Variants in MED27 observed in about 807,000 individuals in gnomAD.
The protein encoded by MED27 is mediator of RNA polymerase II transcription subunit 27.
MED27 carries 30 observed loss-of-function variants against 38.2 expected under a neutral mutation model. That is an observed-to-expected ratio of 0.79 (90% CI 0.59 to 1.07). The LOEUF (loss-of-function observed/expected upper bound fraction) is 1.07. Among genes scored for constraint, MED27 ranks in the 50% least tolerant of loss-of-function variants. The pLI is 0.00. For synonymous variants in MED27, 122 were observed against 153.5 expected (o/e 0.79, Z 1.52); for missense variants, 289 against 397.5 (o/e 0.73, Z 2.32).
In MED27 at chr9:131,965,756, A is replaced by G. The variant is rs73658162; in HGVS notation, c.480-26282T>C. ...GGCATCACCTCACTTTTTCTTGAAC[A>G]AAAAATAAAGGATTCCACTTAACAG... On this transcript the variant is annotated intron_variant, in intron 3 of 7. Transcript: ENST00000292035. Among the ~76,000 whole-genome samples the G allele has an allele frequency of 6.5e-3, 987 of 152,266 alleles. 9 individuals are homozygous for G. Among genetic ancestry groups the G allele is most frequent in the African/African-American group, 0.022 (916 of 41,556 alleles).
intron 3 of MED27, among the ~76,000 whole-genome samples, chr9:132,009,196 C>G (rs979478386): frequency 6.6e-6 from 1 of 152,178 alleles, no homozygotes; most frequent in African/African-American, 2.4e-5. Context: ...TAGAACCAAG[C>G]ATTTGTAGGC....
At chr9:131,879,414 A>T (rs1219830408) in intron 6 of MED27, among the ~76,000 whole-genome samples, 1 of 152,128 alleles carries the variant, frequency 6.6e-6, no homozygotes, top group East Asian at 1.9e-4. Context: ...TAACACAGTG[A>T]CTGCAACCAC....
rs151338486 is a variant in MED27, at chr9:131,961,280, C to T, written c.480-21806G>A. 3.2e-4 allele frequency among the ~76,000 whole-genome samples: 49 copies of T among 152,340 alleles called. No homozygotes were observed. The East Asian group carries it at 7.7e-3, about 24-fold the overall frequency. ...AGCAGGCAAGAAGGCAACACAATGGCTGCTTGTTTCAGAGACAGAAGCTTG... is the reference window on the plus strand; with the variant it reads ...AGCAGGCAAGAAGGCAACACAATGGTTGCTTGTTTCAGAGACAGAAGCTTG... On this transcript the variant is annotated intron_variant, in intron 3 of 7. Coordinates refer to ENST00000292035, the MANE Select transcript of MED27 (RefSeq NM_004269.4).
intron 1 of MED27, among the ~76,000 whole-genome samples, chr9:132,079,214 A>T (rs570534255): frequency 2.0e-5 from 3 of 152,034 alleles, no homozygotes; most frequent in Admixed American, 2.0e-4. Context: ...GGGCCGGGGA[A>T]TTGGGGCTAA....
At chr9:132,041,961 G>C (rs945354054) in intron 2 of MED27, among the ~76,000 whole-genome samples, 2 of 152,196 alleles carry the variant, frequency 1.3e-5, no homozygotes, top group African/African-American at 2.4e-5. Flanking sequence ...TGGATCTTGA[G>C]TTAAATTGTT....
At chr9:131,988,763 C>T (rs1239496177) in intron 3 of MED27, among the ~76,000 whole-genome samples, 1 of 152,114 alleles carries the variant, frequency 6.6e-6, no homozygotes, top group East Asian at 1.9e-4. Flanking sequence ...CAGGCATGCA[C>T]CACTGTGCCC....
chr9:131,881,808 T>C (rs1839050986), intron 6 of MED27, among the ~76,000 whole-genome samples: 1 of 133,876 alleles, frequency 7.5e-6, no homozygotes, highest in South Asian at 2.5e-4. Context: ...TTCTTTTTTT[T>C]TTTTTTTTTT....
intron 3 of MED27, among the ~76,000 whole-genome samples, chr9:131,994,227 C>G (rs1191112286): frequency 6.6e-6 from 1 of 152,100 alleles, no homozygotes; most frequent in African/African-American, 2.4e-5. Context: ...GTCGCAATTC[C>G]CAGGAACCTA....
chr9:132,041,627 C>T (rs11243605), intron 2 of MED27, among the ~76,000 whole-genome samples: 4 of 152,190 alleles, frequency 2.6e-5, no homozygotes, highest in African/African-American at 7.2e-5. Context: ...CAAAGCTCGA[C>T]TGAAAGATGG....
chr9:132,009,433 T>C (rs1832434416), intron 3 of MED27, among the ~76,000 whole-genome samples: 1 of 152,146 alleles, frequency 6.6e-6, no homozygotes, highest in Non-Finnish European at 1.5e-5. Context: ...TCTTCTGAGA[T>C]TAGGTCATAA....
At chr9:132,038,998 C>T (rs9328536) in intron 2 of MED27, among the ~76,000 whole-genome samples, 82,842 of 152,050 alleles carry the variant, frequency 0.54, 25,398 homozygotes, top group Non-Finnish European at 0.67. Context: ...ACGACAAGAA[C>T]ATGGAGGTCA....
intron 4 of MED27, among the ~76,000 whole-genome samples, chr9:131,898,033 A>G (rs1352743792): frequency 1.3e-5 from 2 of 151,662 alleles, no homozygotes; most frequent in Admixed American, 6.6e-5. Context: ...TCCCAGTGGT[A>G]TACTTTAACA....
At chr9:132,037,070 G>A (rs776722808) in intron 2 of MED27, among the ~76,000 whole-genome samples, 14 of 152,192 alleles carry the variant, frequency 9.2e-5, no homozygotes, top group Non-Finnish European at 2.1e-4. Context: ...GTGGGTGGAA[G>A]ACGAAATGTT....
chr9:132,033,080 A>G (rs1356039751), intron 2 of MED27, among the ~76,000 whole-genome samples: 1 of 152,184 alleles, frequency 6.6e-6, no homozygotes, highest in African/African-American at 2.4e-5. Context: ...AGCCCCATAC[A>G]TGCTGTTTGT....
intron 2 of MED27, among the ~76,000 whole-genome samples, chr9:132,067,272 G>T (rs1833829413): frequency 6.6e-6 from 1 of 152,186 alleles, no homozygotes; most frequent in African/African-American, 2.4e-5. Flanking sequence ...CAGGTAACTG[G>T]CCCAAAGTCT....
chr9:131,886,278 G>T (rs1225156999), intron 5 of MED27, among the ~76,000 whole-genome samples: 1 of 152,180 alleles, frequency 6.6e-6, no homozygotes, highest in Non-Finnish European at 1.5e-5. Flanking sequence ...AGTAGAGAAG[G>T]TTAAGATGAT....
chr9:131,901,022 A>C (rs545434684), intron 4 of MED27, among the ~76,000 whole-genome samples: 1 of 131,682 alleles, frequency 7.6e-6, no homozygotes, highest in Admixed American at 8.2e-5. Context: ...AGACACAAGG[A>C]GAGGGGGGAG....
At chr9:132,075,554 G>A (rs536493485) in intron 2 of MED27, among the ~76,000 whole-genome samples, 1 of 152,182 alleles carries the variant, frequency 6.6e-6, no homozygotes, top group East Asian at 1.9e-4. Context: ...TTCCACTGTG[G>A]GGCAAGGGTG....
At chr9:132,062,114 A>G (rs1424313116) in intron 2 of MED27, among the ~76,000 whole-genome samples, 1 of 152,208 alleles carries the variant, frequency 6.6e-6, no homozygotes, top group Non-Finnish European at 1.5e-5. Flanking sequence ...AATACGCCCA[A>G]TTAAAGCTAT....
Sources: allele counts gnomAD v4.1 joint callset (sites outside exome capture counted in the v4.1 genomes callset), GRCh38; gene constraint gnomAD v4.1.1; transcripts MANE v1.5; gene names NCBI Gene and HGNC (gene_info 2026-07-23, HGNC 2026-07-21).